DAAM2: variants seen among roughly 807,000 people sequenced by gnomAD.
The protein encoded by DAAM2 is disheveled-associated activator of morphogenesis 2.
Under a neutral mutation model 120.7 loss-of-function variants are expected in DAAM2, and 39 were observed. The ratio of observed to expected loss-of-function variants is 0.32; its 90% confidence interval spans 0.25 to 0.42. The LOEUF (loss-of-function observed/expected upper bound fraction) is 0.42. DAAM2 is among the 10% of genes least tolerant of loss of function. The pLI is 1.00. For synonymous variants in DAAM2, 488 were observed against 524.9 expected, an observed-to-expected ratio of 0.93 and a Z score of 0.96; for missense variants, 1,283 against 1,401.7, an observed-to-expected ratio of 0.92 and a Z score of 1.35.
At chr6:39,880,366 G>C (rs1369453171) in intron 14 of DAAM2, among the ~76,000 whole-genome samples, 1 of 152,202 alleles carries the variant, frequency 6.6e-6, no homozygotes, top group Non-Finnish European at 1.5e-5. Flanking sequence ...AGTGGGAAGA[G>C]ATGCAAGATT....
intron 17 of DAAM2, 49 bp from the exon 18 acceptor site, chr6:39,891,292 T>C (rs777046887): frequency 1.4e-6 from 2 of 1,421,564 alleles, no homozygotes; most frequent in South Asian, 2.4e-5. Context: ...CTGTACCCCA[T>C]GTCTGCTGCT....
intron 1 of DAAM2, among the ~76,000 whole-genome samples, chr6:39,793,573 T>G (rs1190599761): frequency 1.3e-5 from 2 of 152,170 alleles, no homozygotes; most frequent in Non-Finnish European, 2.9e-5. Flanking sequence ...CACGTGGGAA[T>G]GAAAGCAGCT....
intron 1 of DAAM2, among the ~76,000 whole-genome samples, chr6:39,802,373 T>A (rs1761889444): frequency 6.6e-6 from 1 of 152,230 alleles, no homozygotes. Flanking sequence ...AGTTACTTTA[T>A]CTCTCTGTGC....
chr6:39,897,818 GA>G (rs745477539), intron 21 of DAAM2, among the ~76,000 whole-genome samples: 70 of 152,196 alleles, frequency 4.6e-4, no homozygotes, highest in Non-Finnish European at 3.5e-4. Context: ...TTCCAGAGGG[GA>G]AAGTCCCTAC....
chr6:39,828,995 C>T (rs1762782472), intron 1 of DAAM2, among the ~76,000 whole-genome samples: 1 of 152,216 alleles, frequency 6.6e-6, no homozygotes, highest in Non-Finnish European at 1.5e-5. Context: ...GGGGCTAACG[C>T]ATAGTAGGTC....
intron 1 of DAAM2, among the ~76,000 whole-genome samples, chr6:39,843,755 G>A (rs1763447163): frequency 6.6e-6 from 1 of 152,316 alleles, no homozygotes; most frequent in Non-Finnish European, 1.5e-5. Flanking sequence ...TGAGACGATG[G>A]GGCCCAATTG....
At chr6:39,873,657 C>A (rs1057145732) in intron 10 of DAAM2, among the ~76,000 whole-genome samples, 2 of 152,194 alleles carry the variant, frequency 1.3e-5, no homozygotes, top group Admixed American at 1.3e-4. Context: ...CAGCTCATGA[C>A]GGGGGAGAGA....
intron 1 of DAAM2, among the ~76,000 whole-genome samples, chr6:39,852,953 C>T (rs1214680548): frequency 6.6e-6 from 1 of 152,176 alleles, no homozygotes; most frequent in Non-Finnish European, 1.5e-5. Flanking sequence ...CTCTCCTGCT[C>T]TCTAGAGGGA....
chr6:39,875,590 G>A, intron 11 of DAAM2, 122 bp downstream of exon 11: 1 of 1,217,504 alleles, frequency 8.2e-7, no homozygotes, highest in Non-Finnish European at 1.1e-6. Flanking sequence ...TGAGTCTTGG[G>A]CAGCATGGTC....
intron 1 of DAAM2, among the ~76,000 whole-genome samples, chr6:39,795,584 C>T (rs893437593): frequency 6.6e-6 from 1 of 152,068 alleles, no homozygotes; most frequent in Non-Finnish European, 1.5e-5. Flanking sequence ...GTTATAAGAC[C>T]CTTCATAAAG....
chr6:39,899,267 G>T (rs1416103461), intron 22 of DAAM2, among the ~76,000 whole-genome samples: 1 of 152,226 alleles, frequency 6.6e-6, no homozygotes, highest in Non-Finnish European at 1.5e-5. Context: ...GGGGCAGGAA[G>T]CACGCAATGT....
intron 1 of DAAM2, among the ~76,000 whole-genome samples, chr6:39,840,029 C>T (rs1343599333): frequency 2.0e-5 from 3 of 152,030 alleles, no homozygotes; most frequent in Non-Finnish European, 2.9e-5. Flanking sequence ...GAGTTTGATA[C>T]CAGCCTGGGC....
chr6:39,893,402 C>T lies in DAAM2; in HGVS notation c.2341+1680C>T, dbSNP rs534320352. Among the ~76,000 whole-genome samples, 542 of 152,140 alleles carry T rather than the reference C, an allele frequency of 3.6e-3. 2 individuals carry two copies. The highest frequency in any genetic ancestry group is 0.018 in the South Asian group (85 of 4,804). On this transcript the variant is annotated intron_variant, in intron 19 of 24. Coordinates refer to ENST00000274867, the MANE Select transcript of DAAM2 (RefSeq NM_001201427.2). ...GCATGGAGGTGGGCACCTGTAGTCCCAGCTATTCAGGAGGCTGAGGCAGGA... is the reference window on the plus strand; with the variant it reads ...GCATGGAGGTGGGCACCTGTAGTCCTAGCTATTCAGGAGGCTGAGGCAGGA...
At chr6:39,871,660 G>A in intron 9 of DAAM2, 88 bp downstream of exon 9, 1 of 1,284,664 alleles carries the variant, frequency 7.8e-7, no homozygotes, top group Non-Finnish European at 1.1e-6. Context: ...CCGTGTTGTG[G>A]CAGGGCTGGT....
chr6:39,842,987 G>A (rs185078743), intron 1 of DAAM2, among the ~76,000 whole-genome samples: 31 of 152,228 alleles, frequency 2.0e-4, no homozygotes, highest in Non-Finnish European at 3.5e-4. Flanking sequence ...TAGAAGCTTC[G>A]TGTATGCTTA....
intron 2 of DAAM2, among the ~76,000 whole-genome samples, chr6:39,857,932 T>C (rs1297046769): frequency 6.6e-6 from 1 of 151,990 alleles, no homozygotes; most frequent in Non-Finnish European, 1.5e-5. Flanking sequence ...ACAAGTGTGA[T>C]GAGTGCTAGG....
intron 1 of DAAM2, among the ~76,000 whole-genome samples, chr6:39,855,119 A>G (rs533976022): frequency 5.8e-4 from 89 of 152,358 alleles, no homozygotes; most frequent in Non-Finnish European, 9.6e-4. Flanking sequence ...ATTAAGATCT[A>G]TAAGTATGGG....
intron 1 of DAAM2, among the ~76,000 whole-genome samples, chr6:39,793,542 C>T (rs1761611705): frequency 6.7e-6 from 1 of 148,212 alleles, no homozygotes; most frequent in South Asian, 2.1e-4. Flanking sequence ...AAAGAGTCCC[C>T]ATAGGTTTTC....
chr6:39,795,154 A>G (rs1173727497), intron 1 of DAAM2, among the ~76,000 whole-genome samples: 1 of 152,182 alleles, frequency 6.6e-6, no homozygotes, highest in Non-Finnish European at 1.5e-5. Flanking sequence ...TATCAGTTCA[A>G]TCTTCTGGCC....
Sources: allele counts gnomAD v4.1 joint callset (sites outside exome capture counted in the v4.1 genomes callset), GRCh38; gene constraint gnomAD v4.1.1; transcripts MANE v1.5; gene names NCBI Gene and HGNC (gene_info 2026-07-23, HGNC 2026-07-21).